The following TMPRSS15 variants were observed in gnomAD, a reference collection of about 807,000 sequenced individuals.
TMPRSS15 encodes the protein transmembrane serine protease 15, also known as enteropeptidase.
In TMPRSS15, 128 loss-of-function variants were observed where a neutral mutation model predicts 125.3. The ratio of observed to expected loss-of-function variants is 1.02; its 90% CI spans 0.89 to 1.18. The LOEUF is 1.18. Ranked by LOEUF, TMPRSS15 falls within the 50% of genes most tolerant of loss-of-function variation. The probability of loss-of-function intolerance (pLI) is 0.00; values close to 1 mark genes in which losing one functional copy is unlikely to be tolerated. For synonymous variants in TMPRSS15, 446 were observed against 423.2 expected, an observed-to-expected ratio of 1.05 and a Z score of -0.66; for missense variants, 1,283 against 1,212.7, an observed-to-expected ratio of 1.06 and a Z score of -0.86.
Position 18,281,055 on chromosome 21 carries a change from T to C in TMPRSS15, c.2653A>G (p.Lys885Glu). The stretch of plus-strand genomic sequence containing the variant: ...TTTTTTTTACCTGTGTAATTCACTT[T>C]AAATTCCAGATGCATCATGGCAATG... ...NDIAMMHLEF[K>E]VNYTDYIQPI... Residue 885 changes from lysine to glutamate, a missense_variant, in exon 22 of 25, where the codon AAA becomes GAA. Lys to Glu is a moderately conservative substitution (Grantham distance 56). Transcript: ENST00000284885. 6.2e-7 allele frequency: 1 copy of C among 1,613,912 alleles called. No individual in the cohort carries two copies. The highest frequency in any genetic ancestry group is 8.5e-7 in the Non-Finnish European group (1 of 1,180,010).
chr21:18,320,423 T>C (rs141054548), intron 16 of TMPRSS15, among the ~76,000 whole-genome samples: 164 of 152,246 alleles, frequency 1.1e-3, no homozygotes, highest in African/African-American at 3.8e-3. Context: ...AATAATTTAA[T>C]CTTATATACA....
chr21:18,337,540 C>CAGAGCA (rs2075404048), intron 13 of TMPRSS15, among the ~76,000 whole-genome samples: 1 of 152,154 alleles, frequency 6.6e-6, no homozygotes, highest in African/African-American at 2.4e-5. Flanking sequence ...ACCAACATCA[C>CAGAGCA]AGAGCAACAA....
At chr21:18,381,050 G>T (rs1378367369) in intron 4 of TMPRSS15, among the ~76,000 whole-genome samples, 2 of 152,038 alleles carry the variant, frequency 1.3e-5, no homozygotes, top group Non-Finnish European at 2.9e-5. Flanking sequence ...GAAGACAAAA[G>T]CTGGCAATTT....
chr21:18,471,105 A>G (rs1978770942), intron 1 of TMPRSS15, among the ~76,000 whole-genome samples: 1 of 151,994 alleles, frequency 6.6e-6, no homozygotes, highest in African/African-American at 2.4e-5. Context: ...CAGAGATAGG[A>G]CTCATTTTTT....
chr21:18,441,643 A>G (rs2076241957), intron 1 of TMPRSS15, among the ~76,000 whole-genome samples: 1 of 147,194 alleles, frequency 6.8e-6, no homozygotes. Context: ...AGAAAAGAAG[A>G]TTGTCAACTT....
intron 1 of TMPRSS15, among the ~76,000 whole-genome samples, chr21:18,438,762 A>C (rs1170743505): frequency 6.6e-6 from 1 of 152,228 alleles, no homozygotes; most frequent in African/African-American, 2.4e-5. Context: ...TTATATGCAA[A>C]GTGTATATGC....
At chr21:18,439,940 T>C (rs2076237100) in intron 1 of TMPRSS15, among the ~76,000 whole-genome samples, 1 of 152,164 alleles carries the variant, frequency 6.6e-6, no homozygotes, top group Admixed American at 6.5e-5. Flanking sequence ...AATGTTTTCA[T>C]GAGGGAAACT....
intron 1 of TMPRSS15, among the ~76,000 whole-genome samples, chr21:18,482,831 T>G (rs994992564): frequency 1.3e-5 from 2 of 151,822 alleles, no homozygotes; most frequent in East Asian, 3.9e-4. Context: ...TTTTATCTTA[T>G]CTAACTTATC....
At chr21:18,441,313 A>G (rs1478215673) in intron 1 of TMPRSS15, among the ~76,000 whole-genome samples, 1 of 148,806 alleles carries the variant, frequency 6.7e-6, no homozygotes, top group Non-Finnish European at 1.5e-5. Context: ...AACAAAACCA[A>G]AAAAACAAAG....
chr21:18,397,910 C>A lies in TMPRSS15; in HGVS notation c.313G>T (p.Glu105Ter). ...TGTAAAACTCTTGAGTTCTTATATT[C>A]ATTCTTCAGATTGCTTGATAGAAAG... is the stretch of plus-strand genomic sequence containing the variant. ...EIFLSSNLKN[E>*]YKNSRVLQFE... Residue 105 changes from glutamate (E) to a stop codon, truncating the protein, a stop_gained, in exon 3 of 25, where the codon GAA becomes TAA. Coordinates refer to ENST00000284885, the MANE Select transcript of TMPRSS15 (RefSeq NM_002772.3). LOFTEE classifies it high-confidence loss of function. 6.4e-7 allele frequency: 1 copy of A among 1,552,544 alleles called. No individual in the cohort carries two copies. The highest frequency in any genetic ancestry group is 8.8e-7 in the Non-Finnish European group (1 of 1,134,218).
chr21:18,402,468 G>A (rs1327165967), intron 1 of TMPRSS15, among the ~76,000 whole-genome samples: 1 of 146,322 alleles, frequency 6.8e-6, no homozygotes, highest in Non-Finnish European at 1.5e-5. Context: ...GGTGGAGGTT[G>A]CAGTGAGCCG....
chr21:18,355,798 C>G (rs1399499518), intron 8 of TMPRSS15, among the ~76,000 whole-genome samples: 1 of 151,844 alleles, frequency 6.6e-6, no homozygotes, highest in African/African-American at 2.4e-5. Flanking sequence ...ATCTCACCAA[C>G]TAGGTTGTAA....
chr21:18,296,447 T>C (rs760962984), intron 19 of TMPRSS15, among the ~76,000 whole-genome samples: 11 of 152,216 alleles, frequency 7.2e-5, no homozygotes, highest in Admixed American at 2.0e-4. Flanking sequence ...ATTAACTGGC[T>C]TGTTGATGTG....
intron 1 of TMPRSS15, among the ~76,000 whole-genome samples, chr21:18,479,773 C>T (rs896743413): frequency 1.3e-5 from 2 of 152,014 alleles, no homozygotes; most frequent in African/African-American, 2.4e-5. Flanking sequence ...AATAGGAATG[C>T]TTTTAAAATA....
Position 18,302,237 on chromosome 21 carries a change from C to T in TMPRSS15, c.2166-4408G>A, listed in dbSNP as rs149812603. On this transcript the variant is annotated intron_variant, in intron 18 of 24. Transcript: ENST00000284885. ...TGAATAGAGCCAGGTGGGATTAGCC[C>T]GAAAAGGCTTTTGGAGAAGGACGGT... is the stretch of plus-strand genomic sequence containing the variant. Among the ~76,000 whole-genome samples, 178 of 152,202 alleles carry T rather than the reference C, an allele frequency of 1.2e-3. 1 individual carries two copies. Among genetic ancestry groups the T allele is most frequent in the African/African-American group, 4.2e-3 (176 of 41,528 alleles).
At position 18,269,826 on chromosome 21, in the gene TMPRSS15, G is replaced by A; in HGVS notation, c.*143C>T. 1.0e-6 allele frequency: 1 copy of A among 956,570 alleles called. No individual in the cohort carries two copies. The highest frequency in any genetic ancestry group is 2.7e-5 in the East Asian group (1 of 37,360). 59.3% of individuals were successfully genotyped at this position (956,570 alleles called of 1,614,324 possible). A position where few individuals can be genotyped will look rare whatever the true frequency, so the allele number is the denominator to read the frequency against. On this transcript the variant is annotated 3_prime_UTR_variant, in exon 25 of 25. Transcript: ENST00000284885. ...TTATTTTTAAAATTTTGTTTCCCTG[G>A]CCCCCTAGCATTTCATTGACATAGG... is the stretch of plus-strand genomic sequence containing the variant.
intron 3 of TMPRSS15, among the ~76,000 whole-genome samples, chr21:18,389,140 GGAAA>G (rs61453404): frequency 0.019 from 2,532 of 135,622 alleles, 70 homozygotes; most frequent in African/African-American, 0.065. Flanking sequence ...ATGGAAGGAA[GGAAA>G]GAAAGACAAG....
Position 18,329,060 on chromosome 21 carries a change from T to C in TMPRSS15, c.1780+109A>G, listed in dbSNP as rs1050429677. 42 of 1,316,362 alleles carry C rather than the reference T, an allele frequency of 3.2e-5. No homozygotes were observed. The Middle Eastern group carries it at 8.1e-4, about 25-fold the overall frequency. 81.5% of individuals were successfully genotyped at this position (1,316,362 alleles called of 1,614,324 possible). On this transcript the variant is annotated intron_variant, in intron 15 of 24. Coordinates refer to ENST00000284885, the MANE Select transcript of TMPRSS15 (RefSeq NM_002772.3). ...CTCATGTCACTTTACTATTGTATTT[T>C]CATTTTGCAAGTTGTAAAAGAGTGA... is the stretch of plus-strand genomic sequence containing the variant.
chr21:18,466,348 A>G (rs908480729), intron 1 of TMPRSS15, among the ~76,000 whole-genome samples: 1 of 152,150 alleles, frequency 6.6e-6, no homozygotes, highest in Non-Finnish European at 1.5e-5. Context: ...GGACATAGGC[A>G]TGGGCAAACA....
Sources: allele counts gnomAD v4.1 joint callset (sites outside exome capture counted in the v4.1 genomes callset), GRCh38; gene constraint gnomAD v4.1.1; transcripts MANE v1.5; gene names NCBI Gene and HGNC (gene_info 2026-07-23, HGNC 2026-07-21).